Variants in SGCG observed in about 807,000 individuals in gnomAD.
SGCG encodes the protein gamma-sarcoglycan.
SGCG carries 26 observed loss-of-function variants against 29.3 expected under a neutral mutation model. The observed-to-expected ratio is 0.89, with a 90% CI of 0.65 to 1.23. The LOEUF (loss-of-function observed/expected upper bound fraction) is 1.23. Among genes scored for constraint, SGCG ranks in the 50% most tolerant of loss-of-function variants. The probability of loss-of-function intolerance (pLI) is 0.00; values close to 1 mark genes in which losing one functional copy is unlikely to be tolerated. For missense variants in SGCG, 353 were observed against 356.0 expected, an observed-to-expected ratio of 0.99 and a Z score of 0.07; for synonymous variants, 145 against 129.7, an observed-to-expected ratio of 1.12 and a Z score of -0.80.
the SGCG span, among the ~76,000 whole-genome samples, chr13:23,164,424 C>T: frequency 6.6e-6 from 1 of 152,124 alleles, no homozygotes; most frequent in South Asian, 2.1e-4. Context: ...ATTAGGACCT[C>T]ATTTAACACG....
intron 6 of SGCG, among the ~76,000 whole-genome samples, chr13:23,298,078 G>A (rs920292415): frequency 2.5e-4 from 37 of 149,614 alleles, no homozygotes; most frequent in African/African-American, 3.4e-4. Context: ...TTATACAGCC[G>A]GCCATGGTGG....
chr13:23,232,124 A>G (rs1219542098), intron 2 of SGCG, among the ~76,000 whole-genome samples: 1 of 152,000 alleles, frequency 6.6e-6, no homozygotes, highest in Non-Finnish European at 1.5e-5. Context: ...ATAAAGAAAA[A>G]AAAAAAAAAA....
At chr13:23,289,402 A>G (rs1178806325) in intron 5 of SGCG, among the ~76,000 whole-genome samples, 3 of 152,316 alleles carry the variant, frequency 2.0e-5, no homozygotes, top group East Asian at 1.9e-4. Context: ...GTATGTTGAT[A>G]TTTCCCTTTT....
At chr13:23,253,891 T>C (rs928755309) in intron 4 of SGCG, among the ~76,000 whole-genome samples, 1 of 152,208 alleles carries the variant, frequency 6.6e-6, no homozygotes, top group African/African-American at 2.4e-5. Flanking sequence ...TACCACGTGA[T>C]GCACCTGCTC....
At chr13:23,235,122 ACTTTGGGAGG>A (rs1487715786) in intron 3 of SGCG, among the ~76,000 whole-genome samples, 2 of 152,192 alleles carry the variant, frequency 1.3e-5, no homozygotes, top group South Asian at 2.1e-4. Flanking sequence ...TAATCCCAGC[ACTTTGGGAGG>A]CTGAGGTGGG....
At chr13:23,170,848 T>A in the SGCG span, among the ~76,000 whole-genome samples, 1 of 152,096 alleles carries the variant, frequency 6.6e-6, no homozygotes, top group Non-Finnish European at 1.5e-5. Context: ...TGCATGGGAG[T>A]CTAGCTTCTC....
chr13:23,322,617 G>C (rs1180624111), intron 7 of SGCG, among the ~76,000 whole-genome samples: 1 of 152,128 alleles, frequency 6.6e-6, no homozygotes, highest in African/African-American at 2.4e-5. Flanking sequence ...TTGCAGTCAG[G>C]TGCATCTCCA....
At chr13:23,240,800 A>T (rs1453179522) in intron 3 of SGCG, among the ~76,000 whole-genome samples, 1 of 152,198 alleles carries the variant, frequency 6.6e-6, no homozygotes, top group African/African-American at 2.4e-5. Context: ...TAAATTTGGG[A>T]GGATGTAGCT....
upstream of SGCG, among the ~76,000 whole-genome samples, chr13:23,180,181 G>T (rs887044529): frequency 1.3e-5 from 2 of 152,034 alleles, no homozygotes; most frequent in Admixed American, 6.6e-5. Flanking sequence ...TGCAAACCAG[G>T]TCACATAAAA....
At chr13:23,203,552 T>C (rs1877852896) in intron 1 of SGCG, 143 bp from the exon 2 acceptor site, 1 of 689,220 alleles carries the variant, frequency 1.5e-6, no homozygotes, top group South Asian at 1.6e-5. Flanking sequence ...AATTATCTTT[T>C]TAAAAATCAT....
chr13:23,275,475 C>T (rs543050417), intron 4 of SGCG, among the ~76,000 whole-genome samples: 1 of 150,178 alleles, frequency 6.7e-6, no homozygotes, highest in East Asian at 2.0e-4. Context: ...TGCACTCCAG[C>T]CTGGGCGACA....
chr13:23,202,127 G>A (rs776800812), intron 1 of SGCG, among the ~76,000 whole-genome samples: 3 of 152,186 alleles, frequency 2.0e-5, no homozygotes, highest in Non-Finnish European at 4.4e-5. Context: ...AGTCTTGTGA[G>A]CAAAGGACAC....
At chr13:23,317,072 A>G (rs1882844302) in intron 6 of SGCG, among the ~76,000 whole-genome samples, 1 of 152,086 alleles carries the variant, frequency 6.6e-6, no homozygotes. Context: ...GTAGGCACCT[A>G]TAGTCCTAGC....
intron 6 of SGCG, among the ~76,000 whole-genome samples, chr13:23,297,208 A>G (rs1881938217): frequency 6.7e-6 from 1 of 149,054 alleles, no homozygotes. Context: ...TAAACTGAAA[A>G]GTCAAACACA....
intron 5 of SGCG, among the ~76,000 whole-genome samples, chr13:23,280,722 A>G (rs967062066): frequency 1.3e-5 from 2 of 152,218 alleles, no homozygotes; most frequent in Non-Finnish European, 2.9e-5. Flanking sequence ...CTAACTTCTA[A>G]AAGTGAGTTG....
intron 1 of SGCG, among the ~76,000 whole-genome samples, chr13:23,188,407 T>A (rs538504896): frequency 7.4e-6 from 1 of 135,186 alleles, no homozygotes; most frequent in Non-Finnish European, 1.6e-5. Context: ...CTCACTGCAA[T>A]CTCCACCTCC....
rs1398228046 is a variant in SGCG at position 23,278,424 on chromosome 13, C to T, written c.386-935C>T. Reference sequence around the variant, plus strand: ...CACCATTGCACTCCAGCCTGGGCGACATGAGCGAAACTCTGTCTCAAAAAA... The same window carrying T: ...CACCATTGCACTCCAGCCTGGGCGATATGAGCGAAACTCTGTCTCAAAAAA... On this transcript the variant is annotated intron_variant, in intron 4 of 7. Transcript: ENST00000218867. Among the ~76,000 whole-genome samples the T allele has an allele frequency of 6.3e-5, 9 of 142,314 alleles. No homozygotes were observed. In the Admixed American group the frequency reaches 6.7e-4, roughly 11 times the overall value. The allele number at this position is 142,314 out of a possible 152,430, so 93.4% of individuals were successfully genotyped here. A position where few individuals can be genotyped will look rare whatever the true frequency, so the allele number is the denominator to read the frequency against.
In SGCG at chr13:23,299,439, TATA is replaced by T. The variant is rs1882048027; in HGVS notation, c.578+3953_578+3955del. On this transcript the variant is annotated intron_variant, in intron 6 of 7. Coordinates refer to ENST00000218867, the MANE Select transcript of SGCG (RefSeq NM_000231.3). ...ATATATATATATATATATATATATA[TATA>T]TATATATATATATATTTTTTTTTTT... 1.6e-3 allele frequency among the ~76,000 whole-genome samples: 33 copies of T among 21,202 alleles called. 3 individuals are homozygous for T. Among genetic ancestry groups the T allele is most frequent in the South Asian group, 6.2e-3 (3 of 486 alleles). The allele number at this position is 21,202 out of a possible 152,430, so 13.9% of individuals were successfully genotyped here.
chr13:23,317,055 C>T (rs1882843393), intron 6 of SGCG, among the ~76,000 whole-genome samples: 1 of 152,118 alleles, frequency 6.6e-6, no homozygotes, highest in South Asian at 2.1e-4. Flanking sequence ...ATTAGCCGGG[C>T]ATGGTGGTAG....
Sources: gnomAD v4.1 joint callset for allele counts (sites outside exome capture counted in the v4.1 genomes callset) on GRCh38, gnomAD v4.1.1 for gene constraint, MANE v1.5 for transcripts, NCBI Gene and HGNC (gene_info 2026-07-23, HGNC 2026-07-21) for gene names.